The following KATNBL1 variants were observed in gnomAD, a reference collection of about 807,000 sequenced individuals.
The protein encoded by KATNBL1 is katanin regulatory subunit B1 like 1, also known as KATNB1-like protein 1.
KATNBL1 carries 28 observed loss-of-function variants against 44.7 expected under a neutral mutation model. The ratio of observed to expected loss-of-function variants is 0.63; its 90% CI spans 0.46 to 0.86. The LOEUF is 0.86. KATNBL1 is among the 40% of genes least tolerant of loss of function. KATNBL1 has a pLI of 0.00. For missense variants in KATNBL1, 272 were observed against 350.7 expected, an observed-to-expected ratio of 0.78 and a Z score of 1.79; for synonymous variants, 78 against 114.9, an observed-to-expected ratio of 0.68 and a Z score of 2.06.
At chr15:34,169,612 C>T (rs1033753815) in intron 1 of KATNBL1, among the ~76,000 whole-genome samples, 3 of 151,938 alleles carry the variant, frequency 2.0e-5, no homozygotes, top group African/African-American at 7.3e-5. Flanking sequence ...ATCCTGATAC[C>T]AAAGCCTGGC....
chr15:34,169,548 C>A (rs112508991), intron 1 of KATNBL1, among the ~76,000 whole-genome samples: 1,855 of 152,264 alleles, frequency 0.012, 14 homozygotes, highest in Middle Eastern at 0.044. Flanking sequence ...TGAAACTATT[C>A]CATCAATAGA....
intron 1 of KATNBL1, among the ~76,000 whole-genome samples, chr15:34,182,855 T>C (rs1354306953): frequency 6.6e-6 from 1 of 152,162 alleles, no homozygotes; most frequent in African/African-American, 2.4e-5. Flanking sequence ...GGAAGCTGAC[T>C]AAAAAGGATA....
chr15:34,203,664 T>G (rs1326333701), intron 1 of KATNBL1, among the ~76,000 whole-genome samples: 2 of 152,256 alleles, frequency 1.3e-5, no homozygotes, highest in Non-Finnish European at 2.9e-5. Context: ...TCATTGTACC[T>G]AGAATAGATA....
intron 1 of KATNBL1, among the ~76,000 whole-genome samples, chr15:34,175,112 CAACACACA>C (rs1426603096): frequency 1.7e-5 from 1 of 58,198 alleles, no homozygotes; most frequent in Non-Finnish European, 3.3e-5. Context: ...GTAAAATAAG[CAACACACA>C]CACACACACA....
rs186580898 is a variant in KATNBL1, at chr15:34,207,751, C to T, written c.-15+2200G>A. Among the ~76,000 whole-genome samples, 1,239 of 152,280 alleles carry T rather than the reference C, an allele frequency of 8.1e-3. 12 individuals are homozygous for T. The highest frequency in any genetic ancestry group is 0.011 in the Non-Finnish European group (780 of 68,022). On this transcript the variant is annotated intron_variant, in intron 1 of 9. Coordinates refer to ENST00000256544, the MANE Select transcript of KATNBL1 (RefSeq NM_024713.3). ...AAGTAGCTGGGACTACAGACACATG[C>T]CACCATGCCTGGCAAAATATTTTAA...
intron 9 of KATNBL1, among the ~76,000 whole-genome samples, chr15:34,144,063 G>A (rs1458441350): frequency 7.4e-6 from 1 of 134,646 alleles, no homozygotes; most frequent in Admixed American, 8.5e-5. Flanking sequence ...TTTTTTTGAA[G>A]GTATCTGAGA....
chr15:34,167,295 A>C (rs1889008752), intron 1 of KATNBL1, among the ~76,000 whole-genome samples: 1 of 152,260 alleles, frequency 6.6e-6, no homozygotes, highest in Non-Finnish European at 1.5e-5. Flanking sequence ...GAACTTCATA[A>C]AGCATACACA....
At chr15:34,197,600 G>A (rs1890059618) in intron 1 of KATNBL1, among the ~76,000 whole-genome samples, 1 of 152,168 alleles carries the variant, frequency 6.6e-6, no homozygotes, top group Non-Finnish European at 1.5e-5. Context: ...AGAAAAGAAT[G>A]AAAGGATAAG....
At chr15:34,172,022 G>A (rs532325622) in intron 1 of KATNBL1, among the ~76,000 whole-genome samples, 8 of 152,128 alleles carry the variant, frequency 5.3e-5, no homozygotes, top group African/African-American at 1.9e-4. Context: ...CATGGCACAT[G>A]TATACCTATG....
chr15:34,195,738 A>G (rs992778890), intron 1 of KATNBL1, among the ~76,000 whole-genome samples: 1 of 152,074 alleles, frequency 6.6e-6, no homozygotes, highest in Admixed American at 6.6e-5. Flanking sequence ...ACCCACAAAT[A>G]ATTTTTTTAA....
At chr15:34,205,693 A>G (rs1278048146) in intron 1 of KATNBL1, among the ~76,000 whole-genome samples, 1 of 152,232 alleles carries the variant, frequency 6.6e-6, no homozygotes, top group Non-Finnish European at 1.5e-5. Flanking sequence ...GCATCTGCGC[A>G]GTACTCCAAC....
At chr15:34,151,435 A>ATTTTTTTTTTTTTTT (rs1491367010) in intron 4 of KATNBL1, among the ~76,000 whole-genome samples, 1 of 63,826 alleles carries the variant, frequency 1.6e-5, no homozygotes. Flanking sequence ...TCCTTTGCCT[A>ATTTTTTTTTTTTTTT]CTTTTTTTTT....
intron 1 of KATNBL1, among the ~76,000 whole-genome samples, chr15:34,169,467 A>C (rs1255148659): frequency 3.3e-5 from 5 of 152,198 alleles, no homozygotes; most frequent in Admixed American, 2.0e-4. Context: ...CAACCAAAAA[A>C]AGTCCAGGAC....
At chr15:34,154,285 T>C (rs1179364626) in intron 3 of KATNBL1, among the ~76,000 whole-genome samples, 1 of 152,246 alleles carries the variant, frequency 6.6e-6, no homozygotes, top group Non-Finnish European at 1.5e-5. Context: ...AATCACACTT[T>C]GAAAACCAGT....
chr15:34,164,520 G>GGA (rs1555527826), intron 1 of KATNBL1, among the ~76,000 whole-genome samples: 3 of 144,160 alleles, frequency 2.1e-5, no homozygotes, highest in African/African-American at 7.5e-5. Flanking sequence ...CTCTACCTTT[G>GGA]AAAAAAAAAA....
rs1267099933 is a variant in KATNBL1, at chr15:34,156,351, G to T, written c.118-1667C>A. Among the ~76,000 whole-genome samples, 8 of 152,154 alleles carry T rather than the reference G, an allele frequency of 5.3e-5. No individual in the cohort carries two copies. In the East Asian group the frequency reaches 1.5e-3, roughly 29 times the overall value. ...TTGTTACCCCAGGCTGTGGAATCCT[G>T]GAAAAAGAGCTACCATACAGCCCAT... On this transcript the variant is annotated intron_variant, in intron 2 of 9. Transcript: ENST00000256544.
chr15:34,192,513 G>A (rs183829574), intron 1 of KATNBL1, among the ~76,000 whole-genome samples: 1 of 152,146 alleles, frequency 6.6e-6, no homozygotes, highest in Non-Finnish European at 1.5e-5. Flanking sequence ...TTACGGCAAT[G>A]CTCTGCAATG....
chr15:34,153,617 C>T (rs926121921), intron 3 of KATNBL1, among the ~76,000 whole-genome samples: 1 of 151,804 alleles, frequency 6.6e-6, no homozygotes, highest in Admixed American at 6.6e-5. Context: ...TGTTGCCAGG[C>T]TAGTGTGCAG....
Position 34,142,443 on chromosome 15 carries a change from T to G in KATNBL1, c.883-72A>C, listed in dbSNP as rs539120496. ...CAAACATAAACAATCCATTTTTTTT[T>G]GTTGTTGCTTAATTTGCCTTAGTTT... On this transcript the variant is annotated intron_variant, in intron 9 of 9. Transcript: ENST00000256544. The G allele has an allele frequency of 1.8e-3, 2,699 of 1,478,662 alleles. 6 individuals carry two copies. The highest frequency in any genetic ancestry group is 2.2e-3 in the Non-Finnish European group (2,441 of 1,104,794). The allele number at this position is 1,478,662 out of a possible 1,614,324, so 91.6% of individuals were successfully genotyped here.
Sources: gnomAD v4.1 joint callset for allele counts (sites outside exome capture counted in the v4.1 genomes callset) on GRCh38, gnomAD v4.1.1 for gene constraint, MANE v1.5 for transcripts, NCBI Gene and HGNC (gene_info 2026-07-23, HGNC 2026-07-21) for gene names.